Variants in ANK3 observed in about 807,000 individuals in gnomAD.
The protein encoded by ANK3 is ankyrin-3.
A neutral mutation model predicts 370.9 loss-of-function variants in ANK3; 57 were observed. The observed-to-expected ratio is 0.15, with a 90% CI of 0.12 to 0.19. ANK3 has a LOEUF of 0.19. Ranked by LOEUF, ANK3 falls within the 10% of genes least tolerant of loss-of-function variation. The pLI, the probability that ANK3 is intolerant of heterozygous loss-of-function variation, is 1.00. For synonymous variants in ANK3, 1,929 were observed against 1,946.3 expected, an observed-to-expected ratio of 0.99 and a Z score of 0.23; for missense variants, 4,439 against 5,302.1, an observed-to-expected ratio of 0.84 and a Z score of 5.06.
chr10:60,115,688 T>A (rs530842149), intron 25 of ANK3, among the ~76,000 whole-genome samples: 36 of 152,186 alleles, frequency 2.4e-4, no homozygotes, highest in Non-Finnish European at 4.1e-4. Context: ...GTTCTTTACT[T>A]AGACACAATA....
intron 43 of ANK3, among the ~76,000 whole-genome samples, chr10:60,032,191 C>CTTTTTT (rs1564505236): frequency 2.2e-4 from 13 of 57,944 alleles, no homozygotes; most frequent in African/African-American, 7.3e-4. Context: ...AAATACACAG[C>CTTTTTT]TTCTTTTTTT....
intron 43 of ANK3, among the ~76,000 whole-genome samples, chr10:60,034,620 C>T (rs949294277): frequency 2.0e-5 from 3 of 152,092 alleles, no homozygotes; most frequent in Non-Finnish European, 4.4e-5. Context: ...TTTCAAATGC[C>T]ACCTCCTTGA....
At chr10:60,430,227 C>T (rs895966306) in intron 2 of ANK3, among the ~76,000 whole-genome samples, 1 of 152,148 alleles carries the variant, frequency 6.6e-6, no homozygotes, top group Non-Finnish European at 1.5e-5. Context: ...AGGCTGAATG[C>T]CAAGAAAATC....
exon 1 of ANK3, chr10:60,733,292 C>A (rs2080054125): frequency 4.0e-6 from 5 of 1,238,158 alleles, no homozygotes; most frequent in Non-Finnish European, 5.0e-6. Context: ...TCGGTGCCCG[C>A]GGGAGAGGAG....
At chr10:60,061,703 A>G (rs1348968716) in intron 40 of ANK3, among the ~76,000 whole-genome samples, 1 of 151,974 alleles carries the variant, frequency 6.6e-6, no homozygotes, top group East Asian at 1.9e-4. Flanking sequence ...TGTTACATGT[A>G]TAACAAGTAT....
intron 8 of ANK3, among the ~76,000 whole-genome samples, chr10:60,217,217 C>A (rs1057203618): frequency 3.3e-5 from 5 of 152,046 alleles, no homozygotes; most frequent in African/African-American, 1.2e-4. Context: ...AAAAACAGTG[C>A]CTGGGTTCAT....
At chr10:60,691,604 C>G (rs1269206555) in intron 1 of ANK3, among the ~76,000 whole-genome samples, 3 of 152,164 alleles carry the variant, frequency 2.0e-5, no homozygotes, top group Non-Finnish European at 4.4e-5. Flanking sequence ...CCCTGCTGCT[C>G]ACAAAAGGTA....
At chr10:60,368,989 T>C (rs1014034672) in intron 1 of ANK3, among the ~76,000 whole-genome samples, 1 of 152,216 alleles carries the variant, frequency 6.6e-6, no homozygotes, top group Admixed American at 6.5e-5. Context: ...TGAAAGGTTC[T>C]ACATCTTGTG....
At chr10:60,442,331 G>A (rs1226367297) in intron 2 of ANK3, among the ~76,000 whole-genome samples, 1 of 151,712 alleles carries the variant, frequency 6.6e-6, no homozygotes, top group Non-Finnish European at 1.5e-5. Flanking sequence ...CCTGACCTCA[G>A]GTGATCCACA....
At chr10:60,286,170 C>A (rs1566267405) in intron 1 of ANK3, among the ~76,000 whole-genome samples, 1 of 152,094 alleles carries the variant, frequency 6.6e-6, no homozygotes, top group African/African-American at 2.4e-5. Context: ...TTGAAGACTC[C>A]CAACGAGTCC....
rs560304192 is a variant in ANK3 at position 60,461,682 on chromosome 10, A to G, written c.96+153504T>C. 1.3e-5 allele frequency among the ~76,000 whole-genome samples: 2 copies of G among 152,190 alleles called. 1 individual carries two copies. Among genetic ancestry groups the G allele is most frequent in the South Asian group, 4.1e-4 (2 of 4,830 alleles). On this transcript the variant is annotated intron_variant, in intron 2 of 43. Transcript: ENST00000373827. The stretch of plus-strand genomic sequence containing the variant: ...TTGAGGACAAGTTAATAACAAGACA[A>G]TATAACTATTATTTGAACGGCTTAG...
chr10:60,106,179 T>G, intron 27 of ANK3, 120 bp from the exon 28 acceptor site: 1 of 898,390 alleles, frequency 1.1e-6, no homozygotes, highest in Admixed American at 3.3e-5. Context: ...AGGTTGGGAA[T>G]GATTTCAAAG....
intron 8 of ANK3, among the ~76,000 whole-genome samples, chr10:60,232,261 G>A (rs1348539002): frequency 6.6e-6 from 1 of 152,118 alleles, no homozygotes; most frequent in Admixed American, 6.5e-5. Flanking sequence ...CAATCCATAT[G>A]CCAACTGAAA....
chr10:60,470,149 A>T (rs2133080498), intron 2 of ANK3, among the ~76,000 whole-genome samples: 1 of 152,238 alleles, frequency 6.6e-6, no homozygotes, highest in Admixed American at 6.6e-5. Context: ...GAATCAGAAA[A>T]ATCACAGAAA....
In ANK3 at chr10:60,304,255, A is replaced by AACACAC. The variant is rs55989975; in HGVS notation, c.115-24622_115-24617dup. Among the ~76,000 whole-genome samples the AACACAC allele has an allele frequency of 4.1e-3, 613 of 150,258 alleles. 1 individual carries two copies. Among genetic ancestry groups the AACACAC allele is most frequent in the Non-Finnish European group, 7.2e-3 (483 of 67,432 alleles). ...GAAAGGGTAGATCTTAATTGTTCATAACACACACACACACACACACACAGC... is the reference window on the plus strand; with the variant it reads ...GAAAGGGTAGATCTTAATTGTTCATAACACACACACACACACACACACACACACAGC... On this transcript the variant is annotated intron_variant, in intron 1 of 43. Coordinates refer to ENST00000280772, the MANE Select transcript of ANK3 (RefSeq NM_020987.5).
chr10:60,279,423 C>A, intron 2 of ANK3, 115 bp downstream of exon 2: 1 of 823,278 alleles, frequency 1.2e-6, no homozygotes, highest in East Asian at 2.5e-5. Context: ...TTGACAATGA[C>A]AAGCTGATAA....
intron 41 of ANK3, among the ~76,000 whole-genome samples, chr10:60,056,363 GGAA>G (rs2079169529): frequency 8.1e-5 from 7 of 86,350 alleles, no homozygotes; most frequent in Admixed American, 7.6e-4. Flanking sequence ...CAGCTACTCA[GGAA>G]CCTGAGGCAG....
intron 1 of ANK3, among the ~76,000 whole-genome samples, chr10:60,363,285 G>A (rs990914743): frequency 3.9e-5 from 6 of 152,130 alleles, no homozygotes; most frequent in Non-Finnish European, 8.8e-5. Context: ...TCACTAAACC[G>A]AAATAGCACC....
chr10:60,322,157 G>T (rs1026423274), intron 1 of ANK3, among the ~76,000 whole-genome samples: 1 of 152,060 alleles, frequency 6.6e-6, no homozygotes, highest in Non-Finnish European at 1.5e-5. Flanking sequence ...TAATTACAAA[G>T]ATTCATTTTT....
Sources: allele counts gnomAD v4.1 joint callset (sites outside exome capture counted in the v4.1 genomes callset), GRCh38; gene constraint gnomAD v4.1.1; transcripts MANE v1.5; gene names NCBI Gene and HGNC (gene_info 2026-07-23, HGNC 2026-07-21).